Variants in EHMT1 observed in about 807,000 individuals in gnomAD.
The protein encoded by EHMT1 is histone-lysine N-methyltransferase EHMT1.
A neutral mutation model predicts 147.2 loss-of-function variants in EHMT1; 15 were observed. The ratio of observed to expected loss-of-function variants is 0.10; its 90% CI spans 0.07 to 0.16. The LOEUF (loss-of-function observed/expected upper bound fraction) is 0.16. Ranked by LOEUF, EHMT1 falls within the 10% of genes least tolerant of loss-of-function variation. The pLI, the probability that EHMT1 is intolerant of heterozygous loss-of-function variation, is 1.00. For synonymous variants in EHMT1, 795 were observed against 709.6 expected (o/e 1.12, Z -1.91); for missense variants, 1,587 against 1,772.4 (o/e 0.90, Z 1.88).
intron 1 of EHMT1, among the ~76,000 whole-genome samples, chr9:137,673,494 T>C (rs550386021): frequency 6.6e-6 from 1 of 152,298 alleles, no homozygotes; most frequent in Non-Finnish European, 1.5e-5. Context: ...CCAGCTGCAG[T>C]GTCCCTGGTG....
intron 4 of EHMT1, 159 bp from the exon 5 acceptor site, chr9:137,743,212 C>T: frequency 1.3e-6 from 1 of 755,188 alleles, no homozygotes; most frequent in Non-Finnish European, 2.1e-6. Flanking sequence ...GGATGCCTGT[C>T]ACTGTGCTGA....
chr9:137,680,631 G>C (rs186435716), intron 1 of EHMT1, among the ~76,000 whole-genome samples: 1 of 152,346 alleles, frequency 6.6e-6, no homozygotes, highest in Non-Finnish European at 1.5e-5. Flanking sequence ...TTGTGAGATG[G>C]TCCTGCACCA....
chr9:137,731,657 G>A lies in EHMT1; in HGVS notation c.823+3128G>A, dbSNP rs1046355650. Among the ~76,000 whole-genome samples the A allele has an allele frequency of 2.6e-5, 4 of 152,088 alleles. No individual in the cohort carries two copies. Among genetic ancestry groups the A allele is most frequent in the South Asian group, 2.1e-4 (1 of 4,828 alleles). On this transcript the variant is annotated intron_variant, in intron 4 of 26. Transcript: ENST00000460843. The surrounding 1 kb of genome is among the most constrained non-coding windows in gnomAD (Gnocchi z 4.3). ...GTCATAAACCTCTGCAGCCAGCGGCGCCTCTGCTTGAGTTTCACTTGCACC... is the reference window on the plus strand; with the variant it reads ...GTCATAAACCTCTGCAGCCAGCGGCACCTCTGCTTGAGTTTCACTTGCACC...
intron 16 of EHMT1, among the ~76,000 whole-genome samples, chr9:137,797,752 C>G (rs1404440776): frequency 7.9e-6 from 1 of 126,124 alleles, no homozygotes; most frequent in Non-Finnish European, 1.8e-5. Flanking sequence ...TCTATGACTG[C>G]TACACGGACT....
At chr9:137,830,307 T>C (rs906058617) in intron 25 of EHMT1, among the ~76,000 whole-genome samples, 5 of 152,210 alleles carry the variant, frequency 3.3e-5, no homozygotes, top group Non-Finnish European at 2.9e-5. Context: ...TTCTCCAGGA[T>C]GTCCTTGTGC....
intron 23 of EHMT1, chr9:137,816,267 C>T (rs1221305558): frequency 6.4e-6 from 4 of 623,850 alleles, no homozygotes; most frequent in African/African-American, 1.8e-5. Flanking sequence ...TCCCCCAGCA[C>T]AGACTTCGGC....
At chr9:137,697,572 T>C (rs567570117) in intron 1 of EHMT1, among the ~76,000 whole-genome samples, 3 of 150,820 alleles carry the variant, frequency 2.0e-5, no homozygotes, top group East Asian at 1.9e-4. Flanking sequence ...AGGACACTTT[T>C]TGTGGTTAAA....
At chr9:137,741,570 G>C (rs1006729885) in intron 4 of EHMT1, among the ~76,000 whole-genome samples, 2 of 152,140 alleles carry the variant, frequency 1.3e-5, no homozygotes, top group African/African-American at 2.4e-5. Flanking sequence ...AATAACCATG[G>C]GTTACTGAGA....
At chr9:137,694,609 G>A (rs539342036) in intron 1 of EHMT1, among the ~76,000 whole-genome samples, 2 of 152,350 alleles carry the variant, frequency 1.3e-5, no homozygotes, top group South Asian at 4.1e-4. Flanking sequence ...GGAAGGAGTA[G>A]ATGTTTTCCA....
At chr9:137,815,889 C>T in intron 22 of EHMT1, 58 bp from the exon 23 acceptor site, 1 of 1,397,556 alleles carries the variant, frequency 7.2e-7, no homozygotes, top group Non-Finnish European at 9.9e-7. Context: ...GGGTTGATGT[C>T]AGTTCAATTA....
At chr9:137,833,853 A>G (rs550504014) in intron 25 of EHMT1, among the ~76,000 whole-genome samples, 62 of 152,316 alleles carry the variant, frequency 4.1e-4, no homozygotes, top group African/African-American at 1.5e-3. Context: ...GCCATTCGCC[A>G]CTGAGTCTTC....
intron 25 of EHMT1, among the ~76,000 whole-genome samples, chr9:137,827,841 G>C (rs1955918424): frequency 6.7e-6 from 1 of 148,364 alleles, no homozygotes; most frequent in South Asian, 2.1e-4. Flanking sequence ...TGGTGTGCTT[G>C]CCCGAAACCT....
intron 18 of EHMT1, among the ~76,000 whole-genome samples, chr9:137,807,667 C>G (rs1954065708): frequency 1.3e-5 from 2 of 152,078 alleles, no homozygotes; most frequent in African/African-American, 4.8e-5. Context: ...ACGACCACGC[C>G]TGGCTAAGTT....
chr9:137,757,095 T>G (rs1465812432), intron 8 of EHMT1, among the ~76,000 whole-genome samples: 1 of 152,252 alleles, frequency 6.6e-6, no homozygotes, highest in Non-Finnish European at 1.5e-5. Context: ...TTCATAGGCC[T>G]CCTCAGTGAA....
intron 3 of EHMT1, among the ~76,000 whole-genome samples, chr9:137,717,605 C>CAAAAA (rs1163785484): frequency 1.9e-4 from 13 of 69,606 alleles, no homozygotes; most frequent in Middle Eastern, 9.3e-3. Context: ...GACCCTGTCT[C>CAAAAA]AAAAAAAAAA....
chr9:137,800,306 G>C (rs1432661841), intron 17 of EHMT1: 1 of 158,620 alleles, frequency 6.3e-6, no homozygotes, highest in African/African-American at 2.4e-5. Context: ...CAGCCTGGGT[G>C]GGCATTCTGC....
intron 3 of EHMT1, among the ~76,000 whole-genome samples, chr9:137,726,034 T>C (rs1320191309): frequency 3.9e-5 from 6 of 152,210 alleles, no homozygotes; most frequent in Non-Finnish European, 8.8e-5. Flanking sequence ...GAGTTACTTA[T>C]GACCTTGGTT....
At chr9:137,767,818 A>T (rs992380434) in intron 10 of EHMT1, among the ~76,000 whole-genome samples, 23 of 151,918 alleles carry the variant, frequency 1.5e-4, no homozygotes, top group Middle Eastern at 3.4e-3. Flanking sequence ...ATCTCAAATT[A>T]AAAAAAAATT....
chr9:137,832,102 C>T (rs908910949), intron 25 of EHMT1, among the ~76,000 whole-genome samples: 5 of 150,898 alleles, frequency 3.3e-5, no homozygotes, highest in Non-Finnish European at 7.4e-5. Flanking sequence ...TCGCCCCAGT[C>T]CTAGGATTGG....
Sources: allele counts gnomAD v4.1 joint callset (sites outside exome capture counted in the v4.1 genomes callset), GRCh38; gene constraint gnomAD v4.1.1; non-coding constraint Gnocchi (gnomAD v3.1); transcripts MANE v1.5; gene names NCBI Gene and HGNC (gene_info 2026-07-23, HGNC 2026-07-21).